Variants in SMYD3 observed in about 807,000 individuals in gnomAD.
The protein encoded by SMYD3 is SET and MYND domain containing 3, also known as histone-lysine N-methyltransferase SMYD3.
SMYD3 carries 36 observed loss-of-function variants against 57.7 expected under a neutral mutation model. The ratio of observed to expected loss-of-function variants is 0.62; its 90% confidence interval spans 0.48 to 0.82. The LOEUF is 0.82. Ranked by LOEUF, SMYD3 falls within the 40% of genes least tolerant of loss-of-function variation. The probability of loss-of-function intolerance (pLI) is 0.00; values close to 1 mark genes in which losing one functional copy is unlikely to be tolerated. For synonymous variants in SMYD3, 211 were observed against 195.0 expected (o/e 1.08, Z -0.68); for missense variants, 515 against 538.8 (o/e 0.96, Z 0.44).
chr1:246,240,071 C>G (rs138287528), intron 5 of SMYD3, among the ~76,000 whole-genome samples: 146 of 152,250 alleles, frequency 9.6e-4, no homozygotes, highest in Middle Eastern at 3.4e-3. Context: ...GGTTCTTTTG[C>G]TATGCAGAAG....
intron 5 of SMYD3, among the ~76,000 whole-genome samples, chr1:246,284,555 T>G (rs994630298): frequency 6.6e-6 from 1 of 151,904 alleles, no homozygotes; most frequent in African/African-American, 2.4e-5. Context: ...TAGCTGGGAC[T>G]ACAGGCACCC....
intron 8 of SMYD3, among the ~76,000 whole-genome samples, chr1:245,901,933 G>A (rs983458722): frequency 6.6e-6 from 1 of 152,168 alleles, no homozygotes; most frequent in African/African-American, 2.4e-5. Flanking sequence ...GCCTAGTATA[G>A]GGAGTTGACT....
At chr1:246,377,973 GT>G (rs1248100069) in intron 1 of SMYD3, among the ~76,000 whole-genome samples, 2 of 152,232 alleles carry the variant, frequency 1.3e-5, no homozygotes, top group African/African-American at 4.8e-5. Context: ...GGGTGAAAAT[GT>G]TATCTCAATG....
At chr1:245,959,920 AG>A (rs1380724479) in intron 5 of SMYD3, among the ~76,000 whole-genome samples, 1 of 152,144 alleles carries the variant, frequency 6.6e-6, no homozygotes, top group Non-Finnish European at 1.5e-5. Flanking sequence ...CTGAGACTGC[AG>A]GTGTGTGCCA....
rs1460410591 is a variant in SMYD3, at chr1:246,496,132, G to A, written c.164+10922C>T. Among the ~76,000 whole-genome samples, 5 of 151,776 alleles carry A rather than the reference G, an allele frequency of 3.3e-5. No individual in the cohort carries two copies. In the East Asian group the frequency reaches 9.8e-4, roughly 30 times the overall value. On this transcript the variant is annotated intron_variant, in intron 1 of 11. Transcript: ENST00000490107. ...ACTCCCCGTAACCTCTGCCTCCCGG[G>A]TTCAAGCGATTCTCCTGCCTCAGCC...
chr1:246,473,727 G>A (rs555016214), intron 1 of SMYD3, among the ~76,000 whole-genome samples: 15 of 152,188 alleles, frequency 9.9e-5, no homozygotes, highest in Admixed American at 9.8e-4. Flanking sequence ...GAACACATAT[G>A]CCTCAATCCC....
At chr1:246,420,289 G>A (rs1393946846) in intron 1 of SMYD3, among the ~76,000 whole-genome samples, 4 of 151,930 alleles carry the variant, frequency 2.6e-5, no homozygotes, top group Non-Finnish European at 4.4e-5. Flanking sequence ...AGATGAAGTT[G>A]AACTGAAAGT....
At chr1:246,396,724 C>T (rs550494548) in intron 1 of SMYD3, among the ~76,000 whole-genome samples, 11 of 152,268 alleles carry the variant, frequency 7.2e-5, no homozygotes, top group African/African-American at 2.4e-4. Flanking sequence ...TACGTTCTCA[C>T]GAGACCTGGT....
chr1:246,458,438 CTTTTTTTTTTTTT>C (rs35956400), intron 1 of SMYD3, among the ~76,000 whole-genome samples: 2 of 62,056 alleles, frequency 3.2e-5, no homozygotes, highest in Non-Finnish European at 5.9e-5. Flanking sequence ...AAAAGTCATT[CTTTTTTTTTTTTT>C]TTTTTTTTTT....
chr1:245,853,181 C>G (rs2051061879), intron 10 of SMYD3, among the ~76,000 whole-genome samples: 1 of 152,168 alleles, frequency 6.6e-6, no homozygotes, highest in South Asian at 2.1e-4. Flanking sequence ...ATAGTTATTT[C>G]TTCTTCTGGG....
chr1:246,210,938 T>C (rs2063076398), intron 5 of SMYD3, among the ~76,000 whole-genome samples: 1 of 152,152 alleles, frequency 6.6e-6, no homozygotes, highest in African/African-American at 2.4e-5. Context: ...CATGGTGTGC[T>C]GGCAGACACC....
intron 11 of SMYD3, among the ~76,000 whole-genome samples, chr1:245,759,640 A>G (rs1318775661): frequency 6.6e-6 from 1 of 152,238 alleles, no homozygotes; most frequent in East Asian, 1.9e-4. Context: ...ACAAGGAGCA[A>G]TCTCTAGGAC....
intron 10 of SMYD3, among the ~76,000 whole-genome samples, chr1:245,789,928 C>A (rs569066644): frequency 6.6e-6 from 1 of 152,306 alleles, no homozygotes; most frequent in Admixed American, 6.5e-5. Flanking sequence ...TTTGTTCATT[C>A]ATTCATTCAT....
At chr1:245,827,029 A>C (rs943244051) in intron 10 of SMYD3, among the ~76,000 whole-genome samples, 1 of 152,172 alleles carries the variant, frequency 6.6e-6, no homozygotes, top group Non-Finnish European at 1.5e-5. Flanking sequence ...TCACTCTCGG[A>C]AGAGCTTTAA....
intron 5 of SMYD3, among the ~76,000 whole-genome samples, chr1:246,257,063 C>A (rs1460956169): frequency 6.6e-6 from 1 of 152,114 alleles, no homozygotes; most frequent in Non-Finnish European, 1.5e-5. Context: ...TTTATTGAAA[C>A]TTGCTTTATG....
intron 1 of SMYD3, among the ~76,000 whole-genome samples, chr1:246,499,904 T>C (rs1198579553): frequency 6.6e-6 from 1 of 152,228 alleles, no homozygotes; most frequent in East Asian, 1.9e-4. Context: ...TGATAATTTG[T>C]AAAAGGATAA....
At chr1:246,431,135 G>GA (rs1437091328) in intron 1 of SMYD3, among the ~76,000 whole-genome samples, 3 of 151,670 alleles carry the variant, frequency 2.0e-5, no homozygotes, top group African/African-American at 7.3e-5. Context: ...AGATAAACAG[G>GA]AAAAATCACC....
intron 5 of SMYD3, among the ~76,000 whole-genome samples, chr1:246,324,989 G>A (rs2065315860): frequency 7.8e-6 from 1 of 128,306 alleles, no homozygotes; most frequent in African/African-American, 2.9e-5. Context: ...GGAGTCAGGG[G>A]GCGGGAAGGA....
chr1:246,274,620 G>T (rs1478699678), intron 5 of SMYD3, among the ~76,000 whole-genome samples: 2 of 152,124 alleles, frequency 1.3e-5, no homozygotes, highest in African/African-American at 4.8e-5. Context: ...CCTCTATCCA[G>T]TCCAAATTCA....
Sources: gnomAD v4.1 joint callset for allele counts (sites outside exome capture counted in the v4.1 genomes callset) on GRCh38, gnomAD v4.1.1 for gene constraint, MANE v1.5 for transcripts, NCBI Gene and HGNC (gene_info 2026-07-23, HGNC 2026-07-21) for gene names.